NLRP13: variants seen among roughly 807,000 people sequenced by gnomAD.
NLRP13 encodes NACHT, LRR and PYD domains-containing protein 13.
NLRP13 carries 82 observed loss-of-function variants against 94.4 expected under a neutral mutation model. The observed-to-expected ratio is 0.87, with a 90% confidence interval of 0.73 to 1.04. NLRP13 has a LOEUF of 1.04. Ranked by LOEUF, NLRP13 falls within the 50% of genes least tolerant of loss-of-function variation. NLRP13 has a pLI of 0.00. For missense variants in NLRP13, 1,426 were observed against 1,230.8 expected, an observed-to-expected ratio of 1.16 and a Z score of -2.37; for synonymous variants, 553 against 464.7, an observed-to-expected ratio of 1.19 and a Z score of -2.45.
At chr19:55,908,463 T>C (rs1162230455) in intron 6 of NLRP13, among the ~76,000 whole-genome samples, 2 of 152,154 alleles carry the variant, frequency 1.3e-5, no homozygotes, top group Non-Finnish European at 1.5e-5. Context: ...TATAAAGACA[T>C]ATGCACACGT....
At chr19:55,893,329 G>A (rs888694690), downstream of NLRP13, among the ~76,000 whole-genome samples, 7 of 151,958 alleles carry the variant, frequency 4.6e-5, no homozygotes, top group African/African-American at 1.2e-4. Context: ...CGGAGGGTGC[G>A]GTGAGCCGAG....
intron 10 of NLRP13, among the ~76,000 whole-genome samples, chr19:55,897,750 G>T (rs1055510061): frequency 3.9e-5 from 6 of 152,262 alleles, no homozygotes; most frequent in Non-Finnish European, 1.5e-5. Flanking sequence ...TTAATGTGTG[G>T]TGTCTATATA....
At chr19:55,918,535 A>G (rs958503530) in intron 4 of NLRP13, among the ~76,000 whole-genome samples, 2 of 152,050 alleles carry the variant, frequency 1.3e-5, no homozygotes, top group Non-Finnish European at 2.9e-5. Flanking sequence ...CAGAAATGAA[A>G]AAGGAAACAT....
Position 55,917,266 on chromosome 19 carries a change from C to T in NLRP13, c.524-3973G>A, listed in dbSNP as rs1165660529. ...GTTGATACTTGCCATCACAAAAACA[C>T]ACAAAACTATAAAATACACCAGTCT... On this transcript the variant is annotated intron_variant, in intron 4 of 10. Coordinates refer to ENST00000342929, the MANE Select transcript of NLRP13 (RefSeq NM_176810.2). 2.6e-5 allele frequency among the ~76,000 whole-genome samples: 4 copies of T among 151,982 alleles called. No homozygotes were observed. In the East Asian group the frequency reaches 7.7e-4, roughly 29 times the overall value.
intron 4 of NLRP13, among the ~76,000 whole-genome samples, chr19:55,923,688 C>G (rs1038373780): frequency 2.0e-4 from 30 of 152,196 alleles, no homozygotes; most frequent in Non-Finnish European, 3.5e-4. Context: ...CACTGGATAT[C>G]TGTGTCTGAG....
At chr19:55,900,136 A>G (rs914876105) in intron 9 of NLRP13, among the ~76,000 whole-genome samples, 2 of 152,162 alleles carry the variant, frequency 1.3e-5, no homozygotes, top group African/African-American at 2.4e-5. Context: ...TAAAGTTTGT[A>G]CCCCCAAAAC....
intron 4 of NLRP13, among the ~76,000 whole-genome samples, chr19:55,923,026 C>T (rs766684495): frequency 6.6e-6 from 1 of 152,166 alleles, no homozygotes; most frequent in Non-Finnish European, 1.5e-5. Flanking sequence ...GGCTTGTATA[C>T]ATGCACATGT....
intron 4 of NLRP13, among the ~76,000 whole-genome samples, chr19:55,914,049 C>A (rs972517174): frequency 6.6e-6 from 1 of 152,234 alleles, no homozygotes; most frequent in Admixed American, 6.5e-5. Context: ...TGCCAGTTTT[C>A]CTGGTCCCTG....
chr19:55,918,518 A>C (rs762995917), intron 4 of NLRP13, among the ~76,000 whole-genome samples: 7 of 152,054 alleles, frequency 4.6e-5, no homozygotes, highest in Non-Finnish European at 1.0e-4. Context: ...AGATTCAAAC[A>C]AACAATCAGA....
intron 4 of NLRP13, among the ~76,000 whole-genome samples, chr19:55,923,161 C>A (rs546536826): frequency 6.6e-6 from 1 of 152,202 alleles, no homozygotes; most frequent in African/African-American, 2.4e-5. Context: ...AAAAGGTAAT[C>A]TCAATATCAG....
chr19:55,900,021 A>G (rs1440480335), intron 9 of NLRP13, among the ~76,000 whole-genome samples: 3 of 151,944 alleles, frequency 2.0e-5, no homozygotes, highest in Non-Finnish European at 2.9e-5. Context: ...TGTACCTTTC[A>G]AAATTGCTAA....
intron 1 of NLRP13, among the ~76,000 whole-genome samples, chr19:55,929,796 G>A (rs929821011): frequency 1.3e-5 from 2 of 150,768 alleles, no homozygotes; most frequent in South Asian, 4.2e-4. Flanking sequence ...GTAGAAAGAG[G>A]AAAATAATAA....
intron 1 of NLRP13, among the ~76,000 whole-genome samples, chr19:55,929,821 A>G (rs1987063892): frequency 1.3e-5 from 2 of 152,342 alleles, no homozygotes; most frequent in Non-Finnish European, 2.9e-5. Flanking sequence ...AAAATCAGAA[A>G]TCAATGCAAT....
Position 55,902,151 on chromosome 19 carries a change from G to C in NLRP13, c.2673C>G (p.Leu891=). 6.2e-7 allele frequency: 1 copy of C among 1,614,080 alleles called. No individual in the cohort carries two copies. The highest frequency in any genetic ancestry group is 8.5e-7 in the Non-Finnish European group (1 of 1,179,974). Residue 891 remains leucine, a synonymous_variant, in exon 9 of 11, where the codon CTC becomes CTG. Transcript: ENST00000342929. The stretch of plus-strand genomic sequence containing the variant: ...GGTGTGTCAGGCTCCTGTTCTGCAG[G>C]AGAGCATCTGACAAGTGCTTGCAAG... The part of the protein sequence containing the change: ...APACKHLSDA[L]LQNRSLTHLN...
intron 9 of NLRP13, among the ~76,000 whole-genome samples, chr19:55,899,585 G>C (rs1293712741): frequency 6.6e-6 from 1 of 151,936 alleles, no homozygotes; most frequent in Non-Finnish European, 1.5e-5. Flanking sequence ...TTCGAGACCA[G>C]CCTGCCCAAC....
intron 4 of NLRP13, among the ~76,000 whole-genome samples, chr19:55,914,771 T>C (rs917758251): frequency 3.3e-5 from 5 of 152,252 alleles, no homozygotes; most frequent in Non-Finnish European, 7.3e-5. Flanking sequence ...CTTTAAAGGC[T>C]GAATAGTATT....
intron 1 of NLRP13, among the ~76,000 whole-genome samples, chr19:55,927,756 G>A (rs1309595413): frequency 6.6e-6 from 1 of 152,140 alleles, no homozygotes; most frequent in Non-Finnish European, 1.5e-5. Flanking sequence ...TAGAAATGTA[G>A]AGGTTGGAAC....
chr19:55,922,140 C>T (rs921360508), intron 4 of NLRP13, among the ~76,000 whole-genome samples: 14 of 152,034 alleles, frequency 9.2e-5, no homozygotes, highest in Non-Finnish European at 2.1e-4. Context: ...GAGACTTACT[C>T]ACTGTCATGA....
intron 4 of NLRP13, among the ~76,000 whole-genome samples, chr19:55,919,938 C>T (rs1484036852): frequency 6.6e-6 from 1 of 151,864 alleles, no homozygotes; most frequent in Admixed American, 6.6e-5. Flanking sequence ...ATTATACTAC[C>T]AGGATATAGT....
Sources: gnomAD v4.1 joint callset for allele counts (sites outside exome capture counted in the v4.1 genomes callset) on GRCh38, gnomAD v4.1.1 for gene constraint, MANE v1.5 for transcripts, NCBI Gene and HGNC (gene_info 2026-07-23, HGNC 2026-07-21) for gene names.